Variants in PPM1H observed in about 807,000 individuals in gnomAD.
PPM1H encodes the protein protein phosphatase 1H.
A neutral mutation model predicts 54.9 loss-of-function variants in PPM1H; 27 were observed. The observed-to-expected ratio is 0.49, with a 90% CI of 0.36 to 0.68. The LOEUF is 0.68. Ranked by LOEUF, PPM1H falls within the 30% of genes least tolerant of loss-of-function variation. The pLI is 0.00. For missense variants in PPM1H, 596 were observed against 667.8 expected (o/e 0.89, Z 1.19); for synonymous variants, 305 against 270.8 (o/e 1.13, Z -1.24).
chr12:62,669,641 A>G (rs541393653), intron 8 of PPM1H, among the ~76,000 whole-genome samples: 1 of 152,232 alleles, frequency 6.6e-6, no homozygotes, highest in South Asian at 2.1e-4. Context: ...GTACTGGTTC[A>G]CTGTGTTGTT....
chr12:62,687,875 G>A (rs1050503826), intron 8 of PPM1H, among the ~76,000 whole-genome samples: 9 of 151,944 alleles, frequency 5.9e-5, no homozygotes, highest in African/African-American at 2.2e-4. Context: ...CAGGCATGGT[G>A]GTGCCCACCT....
In PPM1H at chr12:62,871,123, A is replaced by C. The variant is rs543863633; in HGVS notation, c.246-38844T>G. 5.9e-5 allele frequency among the ~76,000 whole-genome samples: 9 copies of C among 152,332 alleles called. No homozygotes were observed. In the South Asian group the frequency reaches 1.9e-3, roughly 32 times the overall value. On this transcript the variant is annotated intron_variant, in intron 1 of 9. Coordinates refer to ENST00000228705, the MANE Select transcript of PPM1H (RefSeq NM_020700.2). ...TTGTACATTAATGTTCATAACAGCCAAAGAGTGACAGCAGCCCAAATATCT... is the reference window on the plus strand; with the variant it reads ...TTGTACATTAATGTTCATAACAGCCCAAGAGTGACAGCAGCCCAAATATCT...
chr12:62,785,452 T>C (rs1010347185), intron 4 of PPM1H, among the ~76,000 whole-genome samples: 46 of 152,220 alleles, frequency 3.0e-4, no homozygotes, highest in Non-Finnish European at 2.1e-4. Context: ...GCTGGGATTA[T>C]AGGCGTGAAC....
intron 5 of PPM1H, among the ~76,000 whole-genome samples, chr12:62,735,804 G>A (rs1259125929): frequency 1.3e-5 from 2 of 152,182 alleles, no homozygotes; most frequent in Admixed American, 6.5e-5. Flanking sequence ...AGAATGAAGA[G>A]GAGTTCTCCT....
chr12:62,803,197 T>C (rs2652030), intron 2 of PPM1H, among the ~76,000 whole-genome samples: 31,862 of 152,118 alleles, frequency 0.21, 3,671 homozygotes, highest in African/African-American at 0.31. Context: ...TCTCCATTCC[T>C]TCTTCTTGCC....
intron 2 of PPM1H, among the ~76,000 whole-genome samples, chr12:62,823,021 G>C (rs1369330676): frequency 1.3e-5 from 2 of 152,006 alleles, no homozygotes; most frequent in Non-Finnish European, 2.9e-5. Flanking sequence ...AAAGAAAAGA[G>C]AGAAGAATCA....
intron 6 of PPM1H, among the ~76,000 whole-genome samples, chr12:62,719,803 C>A (rs968175004): frequency 1.3e-5 from 2 of 152,132 alleles, no homozygotes; most frequent in African/African-American, 4.8e-5. Context: ...GGATTCAAAC[C>A]CAAGTCAGTC....
At chr12:62,684,609 C>T (rs1230416162) in intron 8 of PPM1H, among the ~76,000 whole-genome samples, 1 of 152,112 alleles carries the variant, frequency 6.6e-6, no homozygotes, top group African/African-American at 2.4e-5. Flanking sequence ...AATTCAAACA[C>T]ATTCCACCCC....
intron 2 of PPM1H, among the ~76,000 whole-genome samples, chr12:62,811,536 T>G (rs902168705): frequency 6.6e-6 from 1 of 152,186 alleles, no homozygotes; most frequent in East Asian, 1.9e-4. Context: ...ACATCTGATA[T>G]GGTGTGGCTG....
At chr12:62,797,849 A>T (rs531346434) in intron 3 of PPM1H, among the ~76,000 whole-genome samples, 1 of 152,326 alleles carries the variant, frequency 6.6e-6, no homozygotes, top group East Asian at 1.9e-4. Context: ...AAACAAGAGC[A>T]TCTGTGATTA....
chr12:62,727,637 A>ATTATTAT (rs2076297139), intron 5 of PPM1H, among the ~76,000 whole-genome samples: 4 of 139,814 alleles, frequency 2.9e-5, no homozygotes, highest in Admixed American at 7.3e-5. Context: ...TAAAATGCAA[A>ATTATTAT]TATTATTATT....
rs34661143 is a variant in PPM1H, at chr12:62,846,499, C to CAA, written c.246-14222_246-14221dup. Among the ~76,000 whole-genome samples the CAA allele has an allele frequency of 4.1e-3, 569 of 138,286 alleles. 4 individuals carry two copies. Among genetic ancestry groups the CAA allele is most frequent in the African/African-American group, 0.014 (532 of 37,480 alleles). 90.7% of individuals were successfully genotyped at this position (138,286 alleles called of 152,430 possible). ...TGGGCAACAGAGCGAGATTCCGCCTCAAAAAAAAAAAAATTTTTTTTTTTT... is the reference window on the plus strand; with the variant it reads ...TGGGCAACAGAGCGAGATTCCGCCTCAAAAAAAAAAAAAAATTTTTTTTTTTT... On this transcript the variant is annotated intron_variant, in intron 1 of 9. Transcript: ENST00000228705.
intron 5 of PPM1H, among the ~76,000 whole-genome samples, chr12:62,735,924 G>A (rs943515064): frequency 2.0e-5 from 3 of 152,222 alleles, no homozygotes; most frequent in African/African-American, 7.2e-5. Context: ...AGTTCTCTGT[G>A]GCTGGAGCAT....
intron 2 of PPM1H, among the ~76,000 whole-genome samples, chr12:62,810,073 C>T (rs966038205): frequency 6.6e-6 from 1 of 151,958 alleles, no homozygotes; most frequent in East Asian, 1.9e-4. Context: ...TCTGGTATTC[C>T]CAATGAGTGT....
chr12:62,885,468 G>A (rs114651077), intron 1 of PPM1H, among the ~76,000 whole-genome samples: 1,897 of 152,226 alleles, frequency 0.012, 42 homozygotes, highest in African/African-American at 0.043. Context: ...TGAATACTCA[G>A]AGTCTACTGA....
At chr12:62,661,965 C>G (rs1390829266) in intron 9 of PPM1H, among the ~76,000 whole-genome samples, 1 of 152,186 alleles carries the variant, frequency 6.6e-6, no homozygotes, top group African/African-American at 2.4e-5. Context: ...AGGATTCTTT[C>G]TATTGCTTTG....
chr12:62,917,852 C>T (rs1196317804), intron 1 of PPM1H, among the ~76,000 whole-genome samples: 1 of 152,078 alleles, frequency 6.6e-6, no homozygotes, highest in African/African-American at 2.4e-5. Context: ...TTCCACTACA[C>T]CATACTTGGT....
intron 1 of PPM1H, among the ~76,000 whole-genome samples, chr12:62,833,274 A>G (rs1592624424): frequency 6.6e-6 from 1 of 152,228 alleles, no homozygotes; most frequent in South Asian, 2.1e-4. Flanking sequence ...AATTAGCTCT[A>G]TAAGTGTGGT....
At chr12:62,867,248 G>A (rs1379929463) in intron 1 of PPM1H, among the ~76,000 whole-genome samples, 1 of 152,116 alleles carries the variant, frequency 6.6e-6, no homozygotes, top group East Asian at 1.9e-4. Context: ...TAGCTTCAAT[G>A]CCTTTATCTC....
Sources: allele counts gnomAD v4.1 joint callset (sites outside exome capture counted in the v4.1 genomes callset), GRCh38; gene constraint gnomAD v4.1.1; transcripts MANE v1.5; gene names NCBI Gene and HGNC (gene_info 2026-07-23, HGNC 2026-07-21).